Variants in NMNAT3 observed in about 807,000 individuals in gnomAD.
The protein encoded by NMNAT3 is nicotinamide/nicotinic acid mononucleotide adenylyltransferase 3.
Under a neutral mutation model 24.8 loss-of-function variants are expected in NMNAT3, and 21 were observed. The observed-to-expected ratio is 0.85, with a 90% CI of 0.60 to 1.22. NMNAT3 has a LOEUF of 1.22. Among genes scored for constraint, NMNAT3 ranks in the 50% most tolerant of loss-of-function variants. The probability of loss-of-function intolerance (pLI) is 0.00; values close to 1 mark genes in which losing one functional copy is unlikely to be tolerated. For missense variants in NMNAT3, 387 were observed against 436.6 expected, an observed-to-expected ratio of 0.89 and a Z score of 1.01; for synonymous variants, 136 against 155.2, an observed-to-expected ratio of 0.88 and a Z score of 0.92.
chr3:139,670,438 A>T (rs1366148454), intron 1 of NMNAT3, among the ~76,000 whole-genome samples: 1 of 152,178 alleles, frequency 6.6e-6, no homozygotes, highest in African/African-American at 2.4e-5. Flanking sequence ...CCCCTGCTGG[A>T]CATCTGCTTG....
chr3:139,649,072 A>G (rs934077539), intron 1 of NMNAT3, among the ~76,000 whole-genome samples: 1 of 152,130 alleles, frequency 6.6e-6, no homozygotes. Flanking sequence ...CTTTATTAGT[A>G]TTACTTTATA....
At chr3:139,579,770 G>A (rs1225766064) in intron 4 of NMNAT3, among the ~76,000 whole-genome samples, 1 of 152,170 alleles carries the variant, frequency 6.6e-6, no homozygotes, top group Non-Finnish European at 1.5e-5. Context: ...AGTCTATCTT[G>A]ACAAATATGT....
rs182873886 is a variant in NMNAT3 at position 139,574,545 on chromosome 3, G to C, written c.576-865C>G. Reference sequence around the variant, plus strand: ...AGGCAACCATTATACACCCCTTCTTGTATCAATTTGATCTTCCAACTTCCA... The same window carrying C: ...AGGCAACCATTATACACCCCTTCTTCTATCAATTTGATCTTCCAACTTCCA... On this transcript the variant is annotated intron_variant, in intron 5 of 6. Coordinates refer to ENST00000643695, the MANE Select transcript of NMNAT3 (RefSeq NM_001320510.2). 1.4e-4 allele frequency among the ~76,000 whole-genome samples: 22 copies of C among 152,266 alleles called. 1 individual carries two copies. Among genetic ancestry groups the C allele is most frequent in the Admixed American group, 3.9e-4 (6 of 15,294 alleles).
intron 3 of NMNAT3, chr3:139,599,163 A>G: frequency 1.7e-6 from 1 of 580,360 alleles, no homozygotes; most frequent in Non-Finnish European, 3.0e-6. Context: ...TGGCACACTT[A>G]TCAGCATTTT....
intron 3 of NMNAT3, among the ~76,000 whole-genome samples, chr3:139,585,670 G>C (rs2053908109): frequency 1.3e-5 from 2 of 152,198 alleles, no homozygotes; most frequent in Non-Finnish European, 1.5e-5. Flanking sequence ...TTCCTGGCTT[G>C]AGTTTTTTTG....
intron 1 of NMNAT3, among the ~76,000 whole-genome samples, chr3:139,676,867 C>T (rs2057944697): frequency 1.3e-5 from 2 of 152,308 alleles, no homozygotes; most frequent in South Asian, 2.1e-4. Flanking sequence ...TGTGTTTAGT[C>T]CAGAACAACA....
chr3:139,673,763 T>C (rs1699971099), intron 1 of NMNAT3, among the ~76,000 whole-genome samples: 1 of 151,930 alleles, frequency 6.6e-6, no homozygotes, highest in African/African-American at 2.4e-5. Context: ...GCCTGAAGTA[T>C]GTGTAGAAGA....
At chr3:139,675,115 C>T (rs1359347433) in intron 1 of NMNAT3, among the ~76,000 whole-genome samples, 1 of 138,922 alleles carries the variant, frequency 7.2e-6, no homozygotes, top group Non-Finnish European at 1.6e-5. Context: ...CTTTCCTTAC[C>T]TTCGTATTCC....
At chr3:139,611,907 C>T (rs1355830698) in intron 3 of NMNAT3, among the ~76,000 whole-genome samples, 2 of 152,186 alleles carry the variant, frequency 1.3e-5, no homozygotes, top group Non-Finnish European at 2.9e-5. Context: ...GTTGCTTACG[C>T]CTGTAATCCC....
intron 3 of NMNAT3, among the ~76,000 whole-genome samples, chr3:139,600,823 C>T (rs181746867): frequency 1.5e-3 from 225 of 152,268 alleles, no homozygotes; most frequent in African/African-American, 4.9e-3. Flanking sequence ...AGGGGTGCTC[C>T]GTTGGGGTCC....
chr3:139,583,208 T>A lies in NMNAT3; in HGVS notation c.110A>T (p.Glu37Val). The change falls in exon 4 of 7, where the codon GAA (glutamate) becomes GTA (valine). Residue 37 changes from glutamate to valine, a missense_variant and splice_region_variant. Physicochemically the swap from Glu to Val is moderately radical, Grantham distance 121. This residue lies in a region of NMNAT3 where 51 missense variants were observed against 55.6 expected (regional missense o/e 0.92). Coordinates refer to ENST00000643695, the MANE Select transcript of NMNAT3 (RefSeq NM_001320510.2). ...AACTTCATGGTCCTTTTCTTCATAT[T>A]CTGGAATACAAGAAAACGTGTAAAT... is the stretch of plus-strand genomic sequence containing the variant. The A allele has an allele frequency of 8.3e-7, 1 of 1,199,892 alleles. No homozygotes were observed. Among genetic ancestry groups the A allele is most frequent in the Admixed American group, 1.7e-5 (1 of 57,674 alleles). The allele number at this position is 1,199,892 out of a possible 1,614,324, so 74.3% of individuals were successfully genotyped here.
At chr3:139,653,906 T>C (rs2057144863) in intron 1 of NMNAT3, among the ~76,000 whole-genome samples, 1 of 152,220 alleles carries the variant, frequency 6.6e-6, no homozygotes, top group African/African-American at 2.4e-5. Flanking sequence ...AGCCTCATCA[T>C]TCCGTAGATC....
At chr3:139,605,565 G>A (rs2054905667) in intron 3 of NMNAT3, among the ~76,000 whole-genome samples, 1 of 152,110 alleles carries the variant, frequency 6.6e-6, no homozygotes, top group African/African-American at 2.4e-5. Context: ...CCCAGAATGT[G>A]CCAGGCTCTG....
chr3:139,633,257 C>T (rs931956872), intron 2 of NMNAT3, among the ~76,000 whole-genome samples: 22 of 152,000 alleles, frequency 1.4e-4, no homozygotes, highest in East Asian at 7.8e-4. Flanking sequence ...CTCAACTCAC[C>T]GCAGCCTCTG....
chr3:139,629,294 C>G (rs2056189246), intron 2 of NMNAT3, among the ~76,000 whole-genome samples: 1 of 152,140 alleles, frequency 6.6e-6, no homozygotes, highest in South Asian at 2.1e-4. Context: ...CTGGATCTGC[C>G]AAAAACTATG....
At chr3:139,592,614 A>G (rs374128572) in intron 3 of NMNAT3, among the ~76,000 whole-genome samples, 1 of 152,174 alleles carries the variant, frequency 6.6e-6, no homozygotes, top group African/African-American at 2.4e-5. Context: ...GACTAACAGC[A>G]GATCTCTCAG....
At chr3:139,562,624 T>A (rs1360134512) in intron 6 of NMNAT3, among the ~76,000 whole-genome samples, 1 of 152,186 alleles carries the variant, frequency 6.6e-6, no homozygotes, top group Non-Finnish European at 1.5e-5. Flanking sequence ...GGAATCCAAA[T>A]GTGGACCAGA....
intron 6 of NMNAT3, chr3:139,569,057 T>G (rs1191379310): frequency 6.6e-6 from 1 of 152,242 alleles, no homozygotes; most frequent in Non-Finnish European, 1.5e-5. Flanking sequence ...TTAGGATAGT[T>G]AGCTCTTCCT....
chr3:139,624,363 G>C (rs1480651939), intron 3 of NMNAT3, among the ~76,000 whole-genome samples: 1 of 151,462 alleles, frequency 6.6e-6, no homozygotes, highest in Non-Finnish European at 1.5e-5. Context: ...ATCTTTCGGA[G>C]ATCTTTCTGT....
Sources: allele counts gnomAD v4.1 joint callset (sites outside exome capture counted in the v4.1 genomes callset), GRCh38; gene constraint gnomAD v4.1.1; regional missense constraint gnomAD v4.1.1; transcripts MANE v1.5; gene names NCBI Gene and HGNC (gene_info 2026-07-23, HGNC 2026-07-21).